CDKL1: variants seen among roughly 807,000 people sequenced by gnomAD.
CDKL1 encodes the protein cyclin dependent kinase like 1.
CDKL1 carries 41 observed loss-of-function variants against 42.0 expected under a neutral mutation model. The ratio of observed to expected loss-of-function variants is 0.98; its 90% confidence interval spans 0.76 to 1.27. The LOEUF is 1.27. Ranked by LOEUF, CDKL1 falls within the 50% of genes most tolerant of loss-of-function variation. The pLI, the probability that CDKL1 is intolerant of heterozygous loss-of-function variation, is 0.00. For synonymous variants in CDKL1, 153 were observed against 158.6 expected, an observed-to-expected ratio of 0.96 and a Z score of 0.26; for missense variants, 394 against 428.4, an observed-to-expected ratio of 0.92 and a Z score of 0.71.
intron 2 of CDKL1, among the ~76,000 whole-genome samples, chr14:50,367,008 G>A (rs762850904): frequency 1.9e-4 from 29 of 152,324 alleles, no homozygotes; most frequent in Middle Eastern, 3.4e-3. Flanking sequence ...TGTAAGCGAA[G>A]CCATAGACAG....
intron 2 of CDKL1, among the ~76,000 whole-genome samples, chr14:50,365,589 G>A (rs1352217409): frequency 6.6e-6 from 1 of 152,208 alleles, no homozygotes; most frequent in Non-Finnish European, 1.5e-5. Context: ...TATGAAGCCA[G>A]TCCCCGTCTA....
chr14:50,330,306 C>G, intron 9 of CDKL1, 125 bp from the exon 10 acceptor site: 1 of 1,218,286 alleles, frequency 8.2e-7, no homozygotes, highest in Non-Finnish European at 1.1e-6. Flanking sequence ...GCACACAATC[C>G]AGGACTTGAG....
intron 2 of CDKL1, among the ~76,000 whole-genome samples, chr14:50,386,431 C>T (rs1198529947): frequency 2.0e-5 from 3 of 151,914 alleles, no homozygotes; most frequent in African/African-American, 4.8e-5. Flanking sequence ...GAGACTCTGT[C>T]GCTAAAAAGA....
chr14:50,330,392 T>C, intron 9 of CDKL1: 1 of 507,982 alleles, frequency 2.0e-6, no homozygotes, highest in Non-Finnish European at 3.3e-6. Context: ...ACATTCACAT[T>C]AAAGAAGATT....
intron 4 of CDKL1, chr14:50,342,847 C>T (rs1301936099): frequency 3.3e-6 from 4 of 1,214,918 alleles, no homozygotes; most frequent in Middle Eastern, 4.7e-4. Flanking sequence ...CAAGAGATTT[C>T]CCTTCCAGCT....
intron 2 of CDKL1, 65 bp downstream of exon 2, chr14:50,395,636 C>T: frequency 2.6e-6 from 3 of 1,153,808 alleles, no homozygotes; most frequent in East Asian, 2.4e-5. Flanking sequence ...GGCTGCACTC[C>T]AGCCTGGGAG....
intron 4 of CDKL1, chr14:50,342,797 G>T: frequency 9.7e-7 from 1 of 1,033,578 alleles, no homozygotes; most frequent in Non-Finnish European, 1.2e-6. Flanking sequence ...TGGGCCTGCT[G>T]AGATAAGCTG....
In CDKL1 at chr14:50,329,161, C is replaced by T. The variant is rs1443179759; in HGVS notation, c.*913G>A. The T allele has an allele frequency of 6.6e-6, 1 of 151,846 alleles. No individual in the cohort carries two copies. Among genetic ancestry groups the T allele is most frequent in the East Asian group, 1.9e-4 (1 of 5,200 alleles). 9.4% of individuals were successfully genotyped at this position (151,846 alleles called of 1,614,324 possible). On this transcript the variant is annotated 3_prime_UTR_variant, in exon 10 of 10. Coordinates refer to ENST00000395834, the MANE Select transcript of CDKL1 (RefSeq NM_004196.7). Reference sequence around the variant, plus strand: ...GTCTTTCATGACTCAAGTAAAAGCTCACAAGTAATTTCTTCTGAAACCCAG... The same window carrying T: ...GTCTTTCATGACTCAAGTAAAAGCTTACAAGTAATTTCTTCTGAAACCCAG...
intron 2 of CDKL1, among the ~76,000 whole-genome samples, chr14:50,377,998 C>T (rs2034783779): frequency 6.6e-6 from 1 of 152,072 alleles, no homozygotes; most frequent in South Asian, 2.1e-4. Context: ...TATCCAGCCT[C>T]AACAGGTCTC....
chr14:50,376,205 TATAAG>T (rs1291151913), intron 2 of CDKL1: 1 of 301,844 alleles, frequency 3.3e-6, no homozygotes, highest in East Asian at 7.9e-5. Context: ...ACCATGCTAA[TATAAG>T]ATGTTACTAA....
intron 2 of CDKL1, among the ~76,000 whole-genome samples, chr14:50,360,372 C>T (rs540095122): frequency 5.3e-5 from 8 of 152,128 alleles, no homozygotes; most frequent in Admixed American, 2.0e-4. Context: ...TTCCTCCCCC[C>T]AGTCCCTGCC....
intron 5 of CDKL1, among the ~76,000 whole-genome samples, chr14:50,341,455 CTGGG>C (rs776354589): frequency 2.2e-4 from 1 of 4,544 alleles, no homozygotes; most frequent in African/African-American, 7.9e-4. Flanking sequence ...TGGGGAGGGT[CTGGG>C]GGGGGGGGGG....
chr14:50,379,908 C>T (rs544932150), intron 2 of CDKL1, among the ~76,000 whole-genome samples: 67 of 152,308 alleles, frequency 4.4e-4, no homozygotes, highest in African/African-American at 1.4e-3. Context: ...GGAAAATACT[C>T]AGACCTTTCA....
intron 9 of CDKL1, chr14:50,330,632 T>C (rs2032885936): frequency 1.3e-5 from 2 of 153,662 alleles, no homozygotes; most frequent in Admixed American, 1.3e-4. Flanking sequence ...TAGTTCCAGC[T>C]ACAAGGGAGG....
At chr14:50,341,377 A>T (rs1350750310) in intron 5 of CDKL1, 145 bp from the exon 6 acceptor site, 3 of 1,202,612 alleles carry the variant, frequency 2.5e-6, no homozygotes, top group Admixed American at 3.5e-5. Context: ...CATTCAAATC[A>T]CTTAAATAAA....
At chr14:50,380,797 ACTTC>A (rs2034881387) in intron 2 of CDKL1, among the ~76,000 whole-genome samples, 1 of 77,218 alleles carries the variant, frequency 1.3e-5, no homozygotes, top group Non-Finnish European at 2.8e-5. Context: ...GCATGCTGTG[ACTTC>A]CTTTTTTTTT....
intron 9 of CDKL1, chr14:50,330,420 G>C: frequency 2.4e-6 from 1 of 415,850 alleles, no homozygotes; most frequent in South Asian, 3.3e-5. Context: ...TATGAAAAGG[G>C]GAAAATCTAC....
At chr14:50,386,268 C>T (rs940375860) in intron 2 of CDKL1, among the ~76,000 whole-genome samples, 3 of 151,804 alleles carry the variant, frequency 2.0e-5, no homozygotes, top group Admixed American at 2.0e-4. Flanking sequence ...CCTATCTCTA[C>T]AAAAAATAAA....
At chr14:50,386,823 G>A (rs907432235) in intron 2 of CDKL1, among the ~76,000 whole-genome samples, 1 of 151,988 alleles carries the variant, frequency 6.6e-6, no homozygotes, top group Non-Finnish European at 1.5e-5. Context: ...CACTTTGGGA[G>A]GCCGAGGTCA....
Sources: allele counts gnomAD v4.1 joint callset (sites outside exome capture counted in the v4.1 genomes callset), GRCh38; gene constraint gnomAD v4.1.1; transcripts MANE v1.5; gene names NCBI Gene and HGNC (gene_info 2026-07-23, HGNC 2026-07-21).